GRK5: variants seen among roughly 807,000 people sequenced by gnomAD.
GRK5 encodes g protein-coupled receptor kinase GRK5.
A neutral mutation model predicts 78.4 loss-of-function variants in GRK5; 40 were observed. The ratio of observed to expected loss-of-function variants is 0.51; its 90% CI spans 0.40 to 0.66. GRK5 has a LOEUF of 0.66. Ranked by LOEUF, GRK5 falls within the 30% of genes least tolerant of loss-of-function variation. The pLI is 0.00. For synonymous variants in GRK5, 289 were observed against 296.8 expected, an observed-to-expected ratio of 0.97 and a Z score of 0.27; for missense variants, 598 against 759.9, an observed-to-expected ratio of 0.79 and a Z score of 2.50.
intron 2 of GRK5, among the ~76,000 whole-genome samples, chr10:119,375,305 C>T (rs1213661517): frequency 6.6e-6 from 1 of 152,194 alleles, no homozygotes; most frequent in Non-Finnish European, 1.5e-5. Flanking sequence ...TCCTCCCAGC[C>T]TCAAGCCCCA....
intron 10 of GRK5, among the ~76,000 whole-genome samples, chr10:119,440,382 CCTT>C (rs1317525090): frequency 4.6e-5 from 7 of 152,082 alleles, no homozygotes; most frequent in Admixed American, 2.6e-4. Flanking sequence ...AGTTCCTATA[CCTT>C]CTTTTTTTTT....
Position 119,336,663 on chromosome 10 carries a change from G to C in GRK5, c.148+10052G>C, listed in dbSNP as rs974177419. On this transcript the variant is annotated intron_variant, in intron 2 of 15. Coordinates refer to ENST00000392870, the MANE Select transcript of GRK5 (RefSeq NM_005308.3). This position sits in a 1 kb window ranked among gnomAD's most constrained non-coding sequence, Gnocchi z 4.5. ...TGGTGACCCAGTCCCCTTCAGGCCT[G>C]CCTGGCTGGCACGTGAGCTCTTGAT... 3.9e-5 allele frequency among the ~76,000 whole-genome samples: 6 copies of C among 152,186 alleles called. No homozygotes were observed. The highest frequency in any genetic ancestry group is 1.4e-4 in the African/African-American group (6 of 41,448).
chr10:119,443,881 A>G (rs1853090569), intron 12 of GRK5, 129 bp downstream of exon 12: 1 of 768,212 alleles, frequency 1.3e-6, no homozygotes, highest in East Asian at 2.7e-5. Context: ...TGGGGGTTGC[A>G]GCCCACCAAG....
chr10:119,393,250 G>A (rs1851915569), intron 3 of GRK5, among the ~76,000 whole-genome samples: 1 of 152,268 alleles, frequency 6.6e-6, no homozygotes, highest in South Asian at 2.1e-4. Context: ...TTTGAGAAAG[G>A]CCTTTTGATC....
chr10:119,453,343 AC>A (rs1317509089), intron 15 of GRK5, 67 bp downstream of exon 15: 2 of 1,579,348 alleles, frequency 1.3e-6, no homozygotes, highest in Non-Finnish European at 1.7e-6. Context: ...TCCATGGGAA[AC>A]GAGAAGACCC....
intron 2 of GRK5, among the ~76,000 whole-genome samples, chr10:119,344,836 TG>T (rs1325424537): frequency 6.7e-6 from 1 of 148,430 alleles, no homozygotes. Context: ...GGCAGTCCCC[TG>T]CCCTCCTCCC....
chr10:119,454,385 G>A (rs138862708), intron 15 of GRK5, among the ~76,000 whole-genome samples: 209 of 152,268 alleles, frequency 1.4e-3, no homozygotes, highest in Non-Finnish European at 1.9e-3. Flanking sequence ...CTAGAGCCAC[G>A]GGTGGCGGCC....
At chr10:119,384,710 G>A (rs1420325947) in intron 3 of GRK5, among the ~76,000 whole-genome samples, 1 of 152,094 alleles carries the variant, frequency 6.6e-6, no homozygotes, top group Non-Finnish European at 1.5e-5. Context: ...CTCAGATTGG[G>A]CCCAGTGGAG....
chr10:119,416,350 T>C (rs1406374839), intron 4 of GRK5, among the ~76,000 whole-genome samples: 1 of 152,250 alleles, frequency 6.6e-6, no homozygotes, highest in African/African-American at 2.4e-5. Context: ...ACTCAGCCAC[T>C]GATAGCTGCC....
intron 2 of GRK5, among the ~76,000 whole-genome samples, chr10:119,356,546 C>T (rs1445530693): frequency 6.6e-6 from 1 of 152,154 alleles, no homozygotes; most frequent in East Asian, 1.9e-4. Context: ...TGTCTATCTT[C>T]TTGATGCCCA....
intron 1 of GRK5, among the ~76,000 whole-genome samples, chr10:119,223,766 T>C (rs536288837): frequency 1.3e-4 from 19 of 151,412 alleles, no homozygotes; most frequent in African/African-American, 4.6e-4. Context: ...ACCCACTAAA[T>C]TGTAGACTTC....
intron 1 of GRK5, among the ~76,000 whole-genome samples, chr10:119,318,270 G>T (rs1197534719): frequency 6.6e-6 from 1 of 152,212 alleles, no homozygotes; most frequent in Non-Finnish European, 1.5e-5. Flanking sequence ...TCCTTTCTGG[G>T]ACTCTATTTC....
intron 1 of GRK5, among the ~76,000 whole-genome samples, chr10:119,325,238 G>GA (rs1850654219): frequency 6.6e-6 from 1 of 152,198 alleles, no homozygotes; most frequent in Admixed American, 6.5e-5. Context: ...GCTTTGGGAG[G>GA]AAGGCCTTAC....
intron 2 of GRK5, among the ~76,000 whole-genome samples, chr10:119,335,514 C>G (rs752385498): frequency 1.3e-5 from 2 of 152,212 alleles, no homozygotes; most frequent in African/African-American, 4.8e-5. Flanking sequence ...CAGGTACCTG[C>G]CACCACGCCT....
chr10:119,389,963 G>A (rs1851862289), intron 3 of GRK5, among the ~76,000 whole-genome samples: 1 of 152,216 alleles, frequency 6.6e-6, no homozygotes, highest in Non-Finnish European at 1.5e-5. Context: ...CCAGGAGCCA[G>A]GAGCTTACAG....
chr10:119,419,545 AAGTCGAGCC>A (rs1266390913), intron 4 of GRK5, among the ~76,000 whole-genome samples: 18 of 152,222 alleles, frequency 1.2e-4, no homozygotes, highest in Admixed American at 1.2e-3. Flanking sequence ...TAATCTCTTC[AAGTCGAGCC>A]AGTGGTTATA....
At chr10:119,309,417 T>G (rs1478501541) in intron 1 of GRK5, among the ~76,000 whole-genome samples, 1 of 152,094 alleles carries the variant, frequency 6.6e-6, no homozygotes, top group Non-Finnish European at 1.5e-5. Context: ...ATGCTGGGAA[T>G]GCAGGGTCCA....
intron 1 of GRK5, among the ~76,000 whole-genome samples, chr10:119,306,735 G>A (rs897581100): frequency 1.3e-5 from 2 of 152,104 alleles, no homozygotes; most frequent in African/African-American, 2.4e-5. Flanking sequence ...GGCCGGGGCC[G>A]CTGCACCTGC....
intron 2 of GRK5, among the ~76,000 whole-genome samples, chr10:119,356,786 C>T (rs1428540678): frequency 6.6e-6 from 1 of 152,250 alleles, no homozygotes; most frequent in East Asian, 1.9e-4. Context: ...CAGCCCAAGC[C>T]ACTACCGATC....
Sources: gnomAD v4.1 joint callset for allele counts (sites outside exome capture counted in the v4.1 genomes callset) on GRCh38, gnomAD v4.1.1 for gene constraint, Gnocchi (gnomAD v3.1) non-coding constraint, MANE v1.5 for transcripts, NCBI Gene and HGNC (gene_info 2026-07-23, HGNC 2026-07-21) for gene names.